Variants in CNTNAP2 observed in about 807,000 individuals in gnomAD.
CNTNAP2 encodes the protein contactin-associated protein-like 2.
In CNTNAP2, 98 loss-of-function variants were observed where a neutral mutation model predicts 155.2. The ratio of observed to expected loss-of-function variants is 0.63; its 90% CI spans 0.54 to 0.75. CNTNAP2 has a LOEUF of 0.75. Among genes scored for constraint, CNTNAP2 ranks in the 30% least tolerant of loss-of-function variants. The pLI, the probability that CNTNAP2 is intolerant of heterozygous loss-of-function variation, is 0.00. For synonymous variants in CNTNAP2, 651 were observed against 631.2 expected (o/e 1.03, Z -0.47); for missense variants, 1,727 against 1,688.1 (o/e 1.02, Z -0.40).
intron 1 of CNTNAP2, among the ~76,000 whole-genome samples, chr7:146,356,305 A>T (rs901680135): frequency 6.6e-6 from 1 of 152,156 alleles, no homozygotes; most frequent in African/African-American, 2.4e-5. Flanking sequence ...AACCTTTAAG[A>T]TGCTGGTTTT....
At chr7:148,406,936 G>A (rs372140365) in intron 22 of CNTNAP2, among the ~76,000 whole-genome samples, 2 of 152,160 alleles carry the variant, frequency 1.3e-5, no homozygotes, top group Non-Finnish European at 2.9e-5. Flanking sequence ...TCAAGGATGC[G>A]TAGAATAAAC....
intron 13 of CNTNAP2, among the ~76,000 whole-genome samples, chr7:147,763,939 A>G (rs1041114863): frequency 1.3e-5 from 2 of 152,174 alleles, no homozygotes; most frequent in African/African-American, 2.4e-5. Flanking sequence ...GTGCCATTCC[A>G]GTTCCTGGGA....
chr7:146,603,607 A>G (rs1026111276), intron 1 of CNTNAP2, among the ~76,000 whole-genome samples: 2 of 150,794 alleles, frequency 1.3e-5, no homozygotes, highest in African/African-American at 4.9e-5. Context: ...AAGAGCCCGC[A>G]TTGCCAAGTC....
chr7:148,077,203 A>G lies in CNTNAP2; in HGVS notation c.2384-40915A>G, dbSNP rs150362313. Among the ~76,000 whole-genome samples, 876 of 152,048 alleles carry G rather than the reference A, an allele frequency of 5.8e-3. 9 individuals are homozygous for G. The highest frequency in any genetic ancestry group is 6.2e-3 in the Non-Finnish European group (419 of 68,002). On this transcript the variant is annotated intron_variant, in intron 15 of 23. Coordinates refer to ENST00000361727, the MANE Select transcript of CNTNAP2 (RefSeq NM_014141.6). ...ATGCCTGTAATCCCAGCTACTCAGG[A>G]GGCTGAGGCAGGAGAATCGCTTGAA...
At chr7:148,057,952 T>TATG (rs1803052516) in intron 15 of CNTNAP2, among the ~76,000 whole-genome samples, 1 of 120,250 alleles carries the variant, frequency 8.3e-6, no homozygotes, top group Admixed American at 8.1e-5. Context: ...GCTTCCAGCT[T>TATG]ATTATTATTA....
At chr7:147,347,880 G>T (rs1171302373) in intron 9 of CNTNAP2, among the ~76,000 whole-genome samples, 1 of 151,966 alleles carries the variant, frequency 6.6e-6, no homozygotes, top group East Asian at 1.9e-4. Flanking sequence ...TAATCTACAT[G>T]TCTATACAGC....
Position 146,529,906 on chromosome 7 carries a change from A to G in CNTNAP2, c.98-244365A>G, listed in dbSNP as rs558595048. ...CTTGAACCCAGGAGGCAGAGGTTGC[A>G]GTGAGCCGAGATCGTGCCACTGCAC... On this transcript the variant is annotated intron_variant, in intron 1 of 23. Coordinates refer to ENST00000361727, the MANE Select transcript of CNTNAP2 (RefSeq NM_014141.6). Among the ~76,000 whole-genome samples the G allele has an allele frequency of 3.3e-5, 5 of 152,216 alleles. No homozygotes were observed. In the East Asian group the frequency reaches 7.7e-4, roughly 24 times the overall value.
intron 2 of CNTNAP2, among the ~76,000 whole-genome samples, chr7:146,811,303 A>T (rs927013715): frequency 2.0e-5 from 3 of 152,084 alleles, no homozygotes; most frequent in African/African-American, 7.2e-5. Context: ...TTAATTACTG[A>T]TTTAATCTCT....
At chr7:147,820,780 A>G (rs76366542) in intron 13 of CNTNAP2, among the ~76,000 whole-genome samples, 9 of 152,082 alleles carry the variant, frequency 5.9e-5, no homozygotes, top group Non-Finnish European at 2.9e-5. Context: ...ACTTTCCTTA[A>G]TGAATTCCCT....
At chr7:147,191,024 A>G (rs1802669590) in intron 8 of CNTNAP2, among the ~76,000 whole-genome samples, 1 of 152,176 alleles carries the variant, frequency 6.6e-6, no homozygotes, top group African/African-American at 2.4e-5. Context: ...ACATATATAT[A>G]TTAGATGAAA....
At chr7:146,301,107 C>G (rs918644270) in intron 1 of CNTNAP2, among the ~76,000 whole-genome samples, 15 of 152,102 alleles carry the variant, frequency 9.9e-5, no homozygotes, top group Non-Finnish European at 1.6e-4. Flanking sequence ...CCAGCAGACC[C>G]AACATTCCAG....
chr7:146,871,999 A>G (rs1432037586), intron 3 of CNTNAP2, among the ~76,000 whole-genome samples: 1 of 152,016 alleles, frequency 6.6e-6, no homozygotes, highest in Non-Finnish European at 1.5e-5. Context: ...CTCATAATAC[A>G]CAACAGGATG....
chr7:147,589,381 A>G (rs1317397419), intron 12 of CNTNAP2, among the ~76,000 whole-genome samples: 2 of 152,102 alleles, frequency 1.3e-5, no homozygotes, highest in Non-Finnish European at 2.9e-5. Flanking sequence ...ATTTTACAAT[A>G]ATATAATAAA....
At chr7:147,973,160 T>TTAAAAAAAAA (rs1316701536) in intron 14 of CNTNAP2, among the ~76,000 whole-genome samples, 2 of 120,836 alleles carry the variant, frequency 1.7e-5, no homozygotes, top group Admixed American at 9.1e-5. Flanking sequence ...TCTCTAAAAT[T>TTAAAAAAAAA]AAAAAAAAAA....
chr7:147,925,961 G>A (rs1800390333), intron 14 of CNTNAP2, among the ~76,000 whole-genome samples: 1 of 152,058 alleles, frequency 6.6e-6, no homozygotes, highest in South Asian at 2.1e-4. Context: ...AATCATAAAG[G>A]ATATAGCCCT....
chr7:146,563,681 A>G (rs1798314814), intron 1 of CNTNAP2, among the ~76,000 whole-genome samples: 2 of 152,100 alleles, frequency 1.3e-5, no homozygotes, highest in Non-Finnish European at 2.9e-5. Flanking sequence ...TGCTAGCATC[A>G]TGAGAACAGG....
At chr7:147,507,629 T>C (rs1056144538) in intron 11 of CNTNAP2, among the ~76,000 whole-genome samples, 1 of 139,610 alleles carries the variant, frequency 7.2e-6, no homozygotes, top group African/African-American at 2.7e-5. Context: ...CTCGGCTCAC[T>C]GCAAGCTCCG....
At chr7:147,477,170 G>C (rs1424038059) in intron 10 of CNTNAP2, among the ~76,000 whole-genome samples, 1 of 152,036 alleles carries the variant, frequency 6.6e-6, no homozygotes, top group Non-Finnish European at 1.5e-5. Context: ...GAGAAATATA[G>C]TTTACAATTA....
At chr7:146,410,597 C>T (rs1795852150) in intron 1 of CNTNAP2, among the ~76,000 whole-genome samples, 1 of 152,084 alleles carries the variant, frequency 6.6e-6, no homozygotes, top group African/African-American at 2.4e-5. Flanking sequence ...ATTTCATCAC[C>T]TAGGTATTAA....
Sources: gnomAD v4.1 joint callset for allele counts (sites outside exome capture counted in the v4.1 genomes callset) on GRCh38, gnomAD v4.1.1 for gene constraint, MANE v1.5 for transcripts, NCBI Gene and HGNC (gene_info 2026-07-23, HGNC 2026-07-21) for gene names.